Variants in DNAH8 observed in about 807,000 individuals in gnomAD.
DNAH8 encodes axonemal beta dynein heavy chain 8.
DNAH8 carries 382 observed loss-of-function variants against 562.1 expected under a neutral mutation model. The observed-to-expected ratio is 0.68, with a 90% confidence interval of 0.63 to 0.74. The LOEUF is 0.74. Ranked by LOEUF, DNAH8 falls within the 30% of genes least tolerant of loss-of-function variation. The pLI is 0.00. For missense variants in DNAH8, 5,203 were observed against 5,620.4 expected (o/e 0.93, Z 2.37); for synonymous variants, 1,881 against 1,919.4 (o/e 0.98, Z 0.52).
At chr6:38,936,906 C>A (rs959568024) in intron 77 of DNAH8, among the ~76,000 whole-genome samples, 7 of 152,166 alleles carry the variant, frequency 4.6e-5, no homozygotes, top group African/African-American at 1.7e-4. Flanking sequence ...GATATGGGAA[C>A]TGTTCGCAGA....
At chr6:38,769,596 G>A (rs1582954664) in intron 11 of DNAH8, among the ~76,000 whole-genome samples, 1 of 152,096 alleles carries the variant, frequency 6.6e-6, no homozygotes, top group Non-Finnish European at 1.5e-5. Flanking sequence ...GCAGAATAAC[G>A]GCCCCCAAAG....
intron 29 of DNAH8, among the ~76,000 whole-genome samples, chr6:38,827,742 T>C (rs1773484079): frequency 3.1e-5 from 2 of 65,448 alleles, no homozygotes; most frequent in African/African-American, 6.2e-5. Context: ...ACTTTTTTTT[T>C]TTTTTTTTTT....
At chr6:38,839,386 G>A (rs1310024532) in intron 33 of DNAH8, among the ~76,000 whole-genome samples, 1 of 138,114 alleles carries the variant, frequency 7.2e-6, no homozygotes, top group Admixed American at 7.3e-5. Context: ...TTTTTTTTTT[G>A]AGACAGGATC....
chr6:38,954,072 G>C (rs773892541), intron 82 of DNAH8, among the ~76,000 whole-genome samples: 1 of 152,176 alleles, frequency 6.6e-6, no homozygotes, highest in African/African-American at 2.4e-5. Context: ...AAAAAGAGGA[G>C]AAGGGAAACT....
intron 1 of DNAH8, among the ~76,000 whole-genome samples, chr6:38,715,832 C>T (rs1192579748): frequency 1.5e-5 from 2 of 137,862 alleles, no homozygotes; most frequent in Admixed American, 1.5e-4. Flanking sequence ...CCTGGATGAC[C>T]CTGAAGTCTC....
At chr6:38,739,993 T>C (rs991766) in intron 7 of DNAH8, among the ~76,000 whole-genome samples, 28,074 of 152,236 alleles carry the variant, frequency 0.18, 3,388 homozygotes, top group Non-Finnish European at 0.27. Context: ...AGTCCATTTT[T>C]TTCTAACATA....
At chr6:38,987,990 A>G (rs1452925707) in intron 87 of DNAH8, among the ~76,000 whole-genome samples, 1 of 152,122 alleles carries the variant, frequency 6.6e-6, no homozygotes, top group Non-Finnish European at 1.5e-5. Context: ...CCTCAGCCCC[A>G]GGCTTGCCTT....
chr6:38,798,785 A>T (rs1027077083), intron 21 of DNAH8, among the ~76,000 whole-genome samples: 1 of 152,192 alleles, frequency 6.6e-6, no homozygotes, highest in African/African-American at 2.4e-5. Context: ...GGGATTGTGT[A>T]TGGGACAGTA....
chr6:38,786,922 T>A lies in DNAH8; in HGVS notation c.2553T>A (p.Ser851Arg). ...EQAKRLLKLE[S>R]KLKADKLYLQ... is the part of the protein sequence containing the mutation. Reference sequence around the variant, plus strand: ...CAAAGAGATTGCTAAAATTGGAAAGTAAATTGAAAGCAGACAAACTGTATT... The same window carrying A: ...CAAAGAGATTGCTAAAATTGGAAAGAAAATTGAAAGCAGACAAACTGTATT... Residue 851 changes from serine (S) to arginine (R), a missense_variant, in exon 18 of 93, where the codon AGT (serine) becomes AGA (arginine). Ser to Arg is a moderately radical substitution (Grantham distance 110). This residue lies in a region of DNAH8 where 2,176 missense variants were observed against 2,365.1 expected (regional missense o/e 0.92). Transcript: ENST00000327475. The A allele has an allele frequency of 6.2e-7, 1 of 1,609,730 alleles. No homozygotes were observed. The highest frequency in any genetic ancestry group is 8.5e-7 in the Non-Finnish European group (1 of 1,178,220).
chr6:38,953,239 C>T (rs569763155), intron 82 of DNAH8: 2 of 152,288 alleles, frequency 1.3e-5, no homozygotes, highest in South Asian at 2.1e-4. Flanking sequence ...AATGAACTGT[C>T]GCTCTGGAGA....
intron 44 of DNAH8, 32 bp from the exon 45 acceptor site, chr6:38,863,841 A>G: frequency 6.4e-7 from 1 of 1,557,684 alleles, no homozygotes; most frequent in Non-Finnish European, 8.6e-7. Context: ...TTATAGAGTA[A>G]AACTTTACAA....
rs761586125 is a variant in DNAH8, at chr6:38,908,097, C to T, written c.9490C>T (p.His3164Tyr). ...CATTTCAAGATCAAGGAAGAACTTA[C>T]ATGTTGTTCTCTGCTTTTCTCCAGT... Reference protein sequence around the residue: ...YFISRSRKNLHVVLCFSPVGE... With the variant: ...YFISRSRKNLYVVLCFSPVGE... Residue 3164 changes from histidine to tyrosine, a missense_variant, in exon 64 of 93, where the codon CAT (histidine) becomes TAT (tyrosine). By Grantham distance (83) the His-to-Tyr change is moderately conservative. This residue lies in a region of DNAH8 where 977 missense variants were observed against 1,061.8 expected (regional missense o/e 0.92). Transcript: ENST00000327475. 1 of 1,582,430 alleles carries T rather than the reference C, an allele frequency of 6.3e-7. No individual in the cohort carries two copies. Among genetic ancestry groups the T allele is most frequent in the Non-Finnish European group, 8.6e-7 (1 of 1,166,756 alleles).
intron 38 of DNAH8, 133 bp from the exon 39 acceptor site, chr6:38,851,439 G>A (rs1467258904): frequency 1.7e-6 from 1 of 592,756 alleles, no homozygotes; most frequent in African/African-American, 1.9e-5. Flanking sequence ...AACATTGCAG[G>A]GGTAGGTGAT....
At chr6:38,923,711 A>G in intron 72 of DNAH8, 1 of 394,444 alleles carries the variant, frequency 2.5e-6, no homozygotes. Flanking sequence ...AAGGGACAGG[A>G]TGGGGGAAGA....
At chr6:38,756,650 C>G (rs907570656) in intron 10 of DNAH8, among the ~76,000 whole-genome samples, 3 of 151,406 alleles carry the variant, frequency 2.0e-5, no homozygotes, top group African/African-American at 7.3e-5. Context: ...AGGGATATCT[C>G]CTAATGCTAT....
chr6:38,753,344 A>G (rs898341655), intron 9 of DNAH8, among the ~76,000 whole-genome samples: 4 of 152,232 alleles, frequency 2.6e-5, no homozygotes, highest in African/African-American at 4.8e-5. Flanking sequence ...AATGTGAGCA[A>G]TTAAAATTTC....
At chr6:38,898,458 A>T in intron 61 of DNAH8, 78 bp downstream of exon 61, 1 of 1,266,006 alleles carries the variant, frequency 7.9e-7, no homozygotes, top group Non-Finnish European at 1.1e-6. Flanking sequence ...ATTTTTTGAG[A>T]GAATAACTAT....
chr6:38,916,655 T>A (rs1781330777), intron 68 of DNAH8, among the ~76,000 whole-genome samples: 1 of 152,154 alleles, frequency 6.6e-6, no homozygotes, highest in Non-Finnish European at 1.5e-5. Flanking sequence ...AAGGAAGAGA[T>A]CACCGAACCG....
chr6:38,752,017 G>A (rs992496089), intron 9 of DNAH8, among the ~76,000 whole-genome samples: 8 of 152,160 alleles, frequency 5.3e-5, no homozygotes, highest in South Asian at 2.1e-4. Context: ...TTAGGAAACC[G>A]AGTTTGAACA....
Sources: allele counts gnomAD v4.1 joint callset (sites outside exome capture counted in the v4.1 genomes callset), GRCh38; gene constraint gnomAD v4.1.1; regional missense constraint gnomAD v4.1.1; transcripts MANE v1.5; gene names NCBI Gene and HGNC (gene_info 2026-07-23, HGNC 2026-07-21).